MED13L: variants seen among roughly 807,000 people sequenced by gnomAD.
MED13L encodes mediator of RNA polymerase II transcription subunit 13-like.
In MED13L, 7 loss-of-function variants were observed where a neutral mutation model predicts 220.9. That is an observed-to-expected ratio of 0.03 (90% CI 0.02 to 0.06). The LOEUF (loss-of-function observed/expected upper bound fraction) is 0.06, where lower values mean the gene tolerates loss of function less well. Ranked by LOEUF, MED13L falls within the 10% of genes least tolerant of loss-of-function variation. The pLI, the probability that MED13L is intolerant of heterozygous loss-of-function variation, is 1.00. For synonymous variants in MED13L, 1,011 were observed against 1,015.2 expected, an observed-to-expected ratio of 1.00 and a Z score of 0.08; for missense variants, 1,965 against 2,760.5, an observed-to-expected ratio of 0.71 and a Z score of 6.46.
intron 30 of MED13L, among the ~76,000 whole-genome samples, chr12:115,961,965 CAAAAAA>C (rs1291814238): frequency 1.7e-5 from 2 of 116,930 alleles, no homozygotes; most frequent in Non-Finnish European, 3.6e-5. Flanking sequence ...ACTCCGTCTC[CAAAAAA>C]AAAAGAAAAA....
chr12:116,195,652 T>G (rs1186442625), intron 2 of MED13L, among the ~76,000 whole-genome samples: 1 of 152,054 alleles, frequency 6.6e-6, no homozygotes, highest in Non-Finnish European at 1.5e-5. Context: ...GATTTTGCCA[T>G]GTTGGCCAGG....
At chr12:116,232,672 T>C (rs1869677070) in intron 2 of MED13L, among the ~76,000 whole-genome samples, 1 of 152,224 alleles carries the variant, frequency 6.6e-6, no homozygotes, top group Non-Finnish European at 1.5e-5. Flanking sequence ...TGTAATGCTT[T>C]GGGGCAAGCA....
chr12:116,133,293 T>G (rs1052625590), intron 2 of MED13L, among the ~76,000 whole-genome samples: 1 of 152,236 alleles, frequency 6.6e-6, no homozygotes, highest in Non-Finnish European at 1.5e-5. Flanking sequence ...CTTGCAACAC[T>G]TTCCCTGTGA....
At chr12:116,026,950 C>G (rs186929145) in intron 4 of MED13L, among the ~76,000 whole-genome samples, 31 of 152,172 alleles carry the variant, frequency 2.0e-4, no homozygotes, top group Non-Finnish European at 4.0e-4. Context: ...AATGATCACA[C>G]TGATACGGAA....
intron 3 of MED13L, among the ~76,000 whole-genome samples, chr12:116,104,809 A>G (rs889831269): frequency 1.3e-5 from 2 of 152,242 alleles, no homozygotes; most frequent in African/African-American, 4.8e-5. Flanking sequence ...AATTTAAAGT[A>G]TACTACTGCA....
intron 13 of MED13L, 78 bp from the exon 14 acceptor site, chr12:116,003,180 C>A: frequency 4.7e-6 from 6 of 1,271,520 alleles, no homozygotes; most frequent in Non-Finnish European, 6.8e-6. Context: ...CTAATGTATG[C>A]CTATTGGTAG....
chr12:116,247,873 TAAAC>T (rs1314478208), intron 1 of MED13L, among the ~76,000 whole-genome samples: 1 of 152,208 alleles, frequency 6.6e-6, no homozygotes, highest in African/African-American at 2.4e-5. Flanking sequence ...TTACTACAAT[TAAAC>T]AATGTGAAGT....
intron 4 of MED13L, among the ~76,000 whole-genome samples, chr12:116,043,130 C>G (rs1402449613): frequency 1.3e-5 from 2 of 152,072 alleles, no homozygotes; most frequent in Non-Finnish European, 2.9e-5. Context: ...AGAACTGTAC[C>G]ACCTTAAACC....
intron 1 of MED13L, among the ~76,000 whole-genome samples, chr12:116,249,987 G>C (rs749200040): frequency 2.8e-4 from 27 of 96,178 alleles, no homozygotes; most frequent in Non-Finnish European, 4.5e-4. Flanking sequence ...ATAAACCTAT[G>C]ATCTAAAGAG....
intron 20 of MED13L, 86 bp downstream of exon 20, chr12:115,984,094 T>C: frequency 2.2e-6 from 3 of 1,385,012 alleles, no homozygotes; most frequent in South Asian, 2.4e-5. Context: ...AAAAGAAATA[T>C]AATGTTGCAT....
intron 2 of MED13L, among the ~76,000 whole-genome samples, chr12:116,161,595 G>A (rs1291473529): frequency 6.6e-6 from 1 of 152,124 alleles, no homozygotes; most frequent in African/African-American, 2.4e-5. Context: ...CCGTCAAAGT[G>A]AGCCCACAAG....
At chr12:116,070,789 A>C (rs1381896476) in intron 4 of MED13L, among the ~76,000 whole-genome samples, 4 of 152,184 alleles carry the variant, frequency 2.6e-5, no homozygotes, top group African/African-American at 9.7e-5. Flanking sequence ...TAATGCTACC[A>C]CTTTAGGAAT....
intron 1 of MED13L, among the ~76,000 whole-genome samples, chr12:116,264,340 G>GTTCA (rs1369520455): frequency 1.3e-5 from 2 of 152,108 alleles, no homozygotes; most frequent in Non-Finnish European, 2.9e-5. Flanking sequence ...TCTCAGTTCT[G>GTTCA]ATATGTCTAG....
rs556718392 is a variant in MED13L, at chr12:116,067,787, A to G, written c.479+28882T>C. On this transcript the variant is annotated intron_variant, in intron 4 of 30. Coordinates refer to ENST00000281928, the MANE Select transcript of MED13L (RefSeq NM_015335.5). The stretch of plus-strand genomic sequence containing the variant: ...TTCTCATCTATAAAATGAACATAAC[A>G]ATCCTTACTTCACAGAACAAAAATA... Among the ~76,000 whole-genome samples the G allele has an allele frequency of 2.6e-4, 39 of 152,340 alleles. 1 individual carries two copies. The highest frequency in any genetic ancestry group is 9.4e-4 in the African/African-American group (39 of 41,584).
At chr12:116,138,223 TCTAC>T (rs1876749288) in intron 2 of MED13L, among the ~76,000 whole-genome samples, 1 of 152,124 alleles carries the variant, frequency 6.6e-6, no homozygotes, top group African/African-American at 2.4e-5. Flanking sequence ...ATCTAAATAC[TCTAC>T]AAAATAAATT....
intron 4 of MED13L, among the ~76,000 whole-genome samples, chr12:116,085,374 A>C (rs909641825): frequency 6.6e-6 from 1 of 152,190 alleles, no homozygotes. Context: ...AGAATCAAAG[A>C]TCTCAACCCA....
chr12:116,244,591 T>C (rs780328920), intron 1 of MED13L, among the ~76,000 whole-genome samples: 1 of 152,148 alleles, frequency 6.6e-6, no homozygotes, highest in Non-Finnish European at 1.5e-5. Context: ...TAAATACAGG[T>C]ATTTTGGAAG....
chr12:116,116,208 T>A (rs965916111), intron 2 of MED13L, among the ~76,000 whole-genome samples: 2 of 152,128 alleles, frequency 1.3e-5, no homozygotes, highest in African/African-American at 4.8e-5. Flanking sequence ...ACCAGAGGGT[T>A]AGAACTTTCT....
At chr12:116,012,969 A>G in intron 8 of MED13L, 68 bp from the exon 9 acceptor site, 1 of 1,143,670 alleles carries the variant, frequency 8.7e-7, no homozygotes, top group Non-Finnish European at 1.3e-6. Context: ...AAAAATGTTC[A>G]AGAGTTGAAT....
Sources: gnomAD v4.1 joint callset for allele counts (sites outside exome capture counted in the v4.1 genomes callset) on GRCh38, gnomAD v4.1.1 for gene constraint, MANE v1.5 for transcripts, NCBI Gene and HGNC (gene_info 2026-07-23, HGNC 2026-07-21) for gene names.